Variants in SLC14A2 observed in about 807,000 individuals in gnomAD.
SLC14A2 encodes urea transporter 2.
SLC14A2 carries 91 observed loss-of-function variants against 104.6 expected under a neutral mutation model. The ratio of observed to expected loss-of-function variants is 0.87; its 90% CI spans 0.73 to 1.04. The LOEUF (loss-of-function observed/expected upper bound fraction) is 1.04, where lower values mean the gene tolerates loss of function less well. Among genes scored for constraint, SLC14A2 ranks in the 50% least tolerant of loss-of-function variants. The pLI, the probability that SLC14A2 is intolerant of heterozygous loss-of-function variation, is 0.00. For missense variants in SLC14A2, 1,189 were observed against 1,156.0 expected (o/e 1.03, Z -0.41); for synonymous variants, 476 against 466.4 (o/e 1.02, Z -0.27).
rs1447933394 is a variant in SLC14A2, at chr18:45,235,811, GTGTA to G, written c.-125+22622_-125+22625del. On this transcript the variant is annotated intron_variant, in intron 1 of 20. Coordinates refer to the SLC14A2 transcript ENST00000586448. ...TGTGTATGCGCGTGTGTGTGTGTGT[GTGTA>G]TATATATATATATATACGTGTATAT... 3.0e-3 allele frequency among the ~76,000 whole-genome samples: 302 copies of G among 101,058 alleles called. 15 individuals carry two copies. Among genetic ancestry groups the G allele is most frequent in the African/African-American group, 0.013 (276 of 21,718 alleles). 66.3% of individuals were successfully genotyped at this position (101,058 alleles called of 152,430 possible). A position where few individuals can be genotyped will look rare whatever the true frequency, so the allele number is the denominator to read the frequency against.
At chr18:45,557,116 T>C (rs1302850768) in intron 2 of SLC14A2, among the ~76,000 whole-genome samples, 1 of 152,242 alleles carries the variant, frequency 6.6e-6, no homozygotes, top group East Asian at 1.9e-4. Context: ...CTCAGGTATT[T>C]GGAAGCCAAT....
At chr18:45,336,807 T>A (rs1037128322) in intron 1 of SLC14A2, among the ~76,000 whole-genome samples, 3 of 152,202 alleles carry the variant, frequency 2.0e-5, no homozygotes, top group Non-Finnish European at 4.4e-5. Flanking sequence ...CTTCATCAAC[T>A]GGCCTCTGTC....
At chr18:45,634,508 G>A (rs953711344) in intron 5 of SLC14A2, among the ~76,000 whole-genome samples, 7 of 152,204 alleles carry the variant, frequency 4.6e-5, no homozygotes, top group East Asian at 3.9e-4. Flanking sequence ...TTGAGCTGTC[G>A]CCTAAATGAT....
chr18:45,277,107 C>G (rs1323231197), intron 1 of SLC14A2, among the ~76,000 whole-genome samples: 1 of 152,166 alleles, frequency 6.6e-6, no homozygotes, highest in African/African-American at 2.4e-5. Flanking sequence ...GCTGACTTTC[C>G]CAGAAGATTG....
chr18:45,541,078 A>T (rs995116620), intron 2 of SLC14A2, among the ~76,000 whole-genome samples: 5 of 152,214 alleles, frequency 3.3e-5, no homozygotes, highest in Non-Finnish European at 2.9e-5. Flanking sequence ...CCAGGGCACC[A>T]TGACAAATAG....
chr18:45,363,545 C>T lies in SLC14A2; in HGVS notation c.-124-119688C>T, dbSNP rs140305592. ...ATGTACCCAGGCTGTGAATAGAGAT[C>T]GGAGTCTCAGCCTTAAATTGTCCCA... On this transcript the variant is annotated intron_variant, in intron 1 of 20. Coordinates refer to the SLC14A2 transcript ENST00000586448. Among the ~76,000 whole-genome samples, 266 of 152,110 alleles carry T rather than the reference C, an allele frequency of 1.7e-3. 4 individuals are homozygous for T. The highest frequency in any genetic ancestry group is 2.3e-3 in the East Asian group (12 of 5,162).
chr18:45,389,408 T>C (rs1345497263), intron 1 of SLC14A2, among the ~76,000 whole-genome samples: 1 of 152,242 alleles, frequency 6.6e-6, no homozygotes, highest in Non-Finnish European at 1.5e-5. Flanking sequence ...AGTGGTCAAA[T>C]GAGGCTTTTC....
At chr18:45,184,009 C>T in the SLC14A2 span, among the ~76,000 whole-genome samples, 10 of 135,682 alleles carry the variant, frequency 7.4e-5, no homozygotes, top group East Asian at 1.7e-3. Flanking sequence ...CAATCTCGGG[C>T]TCCCAAAGTG....
At chr18:45,612,383 C>T (rs1251375225), upstream of SLC14A2, among the ~76,000 whole-genome samples, 1 of 152,182 alleles carries the variant, frequency 6.6e-6, no homozygotes, top group East Asian at 1.9e-4. Flanking sequence ...AACTCCTTAC[C>T]CATCTCTCTA....
At chr18:45,238,041 C>T (rs978224855) in intron 1 of SLC14A2, among the ~76,000 whole-genome samples, 8 of 152,114 alleles carry the variant, frequency 5.3e-5, no homozygotes, top group African/African-American at 1.7e-4. Flanking sequence ...CCAAGGTCTC[C>T]GGGGAGACAA....
At chr18:45,592,342 G>T (rs1219214301) in intron 2 of SLC14A2, among the ~76,000 whole-genome samples, 1 of 151,940 alleles carries the variant, frequency 6.6e-6, no homozygotes, top group Non-Finnish European at 1.5e-5. Flanking sequence ...CAACTCTCTG[G>T]ATGTCTCAGT....
intron 1 of SLC14A2, among the ~76,000 whole-genome samples, chr18:45,285,844 G>C (rs1010825201): frequency 6.6e-6 from 1 of 152,176 alleles, no homozygotes; most frequent in Non-Finnish European, 1.5e-5. Context: ...ACTGATTGGA[G>C]GACTCTGCAC....
intron 2 of SLC14A2, among the ~76,000 whole-genome samples, chr18:45,526,985 CA>C (rs1219355888): frequency 6.6e-6 from 1 of 152,040 alleles, no homozygotes; most frequent in Admixed American, 6.5e-5. Flanking sequence ...AGGCTATAAA[CA>C]AAAAATGTCA....
chr18:45,381,461 G>T (rs376487637), intron 1 of SLC14A2, among the ~76,000 whole-genome samples: 1 of 152,152 alleles, frequency 6.6e-6, no homozygotes, highest in African/African-American at 2.4e-5. Context: ...ACCCCAAACT[G>T]CATAAACCAC....
intron 10 of SLC14A2, 25 bp from the exon 11 acceptor site, chr18:45,663,759 AC>A: frequency 6.2e-7 from 1 of 1,608,694 alleles, no homozygotes; most frequent in East Asian, 2.2e-5. Flanking sequence ...TGGGACACTG[AC>A]CTGTCTTGTT....
intron 1 of SLC14A2, among the ~76,000 whole-genome samples, chr18:45,479,778 C>T (rs1598887897): frequency 6.6e-6 from 1 of 152,250 alleles, no homozygotes; most frequent in East Asian, 1.9e-4. Context: ...TGCTGTTCTC[C>T]CCCTGTTTTG....
chr18:45,429,331 A>T (rs2086479330), intron 1 of SLC14A2, among the ~76,000 whole-genome samples: 1 of 152,210 alleles, frequency 6.6e-6, no homozygotes, highest in Admixed American at 6.5e-5. Context: ...AGTCTGTGGA[A>T]GACTTGCCTA....
At chr18:45,282,387 G>C (rs75710894) in intron 1 of SLC14A2, among the ~76,000 whole-genome samples, 1 of 152,088 alleles carries the variant, frequency 6.6e-6, no homozygotes, top group Non-Finnish European at 1.5e-5. Flanking sequence ...TAAGAATTGG[G>C]GGACTGTCCC....
chr18:45,442,998 T>TGCAC (rs1491481393), intron 1 of SLC14A2, among the ~76,000 whole-genome samples: 103 of 152,332 alleles, frequency 6.8e-4, no homozygotes, highest in Non-Finnish European at 1.2e-3. Context: ...TGCACATATG[T>TGCAC]ATGGTTTTAT....
Sources: gnomAD v4.1 joint callset for allele counts (sites outside exome capture counted in the v4.1 genomes callset) on GRCh38, gnomAD v4.1.1 for gene constraint, MANE v1.5 for transcripts, NCBI Gene and HGNC (gene_info 2026-07-23, HGNC 2026-07-21) for gene names.